The following FMNL3 variants were observed in gnomAD, a reference collection of about 807,000 sequenced individuals.
FMNL3 encodes the protein formin-like protein 3.
A neutral mutation model predicts 119.6 loss-of-function variants in FMNL3; 57 were observed. The observed-to-expected ratio is 0.48, with a 90% CI of 0.39 to 0.59. The LOEUF (loss-of-function observed/expected upper bound fraction) is 0.59. Among genes scored for constraint, FMNL3 ranks in the 20% least tolerant of loss-of-function variants. The pLI, the probability that FMNL3 is intolerant of heterozygous loss-of-function variation, is 0.00. For missense variants in FMNL3, 1,053 were observed against 1,323.5 expected (o/e 0.80, Z 3.17); for synonymous variants, 491 against 507.3 (o/e 0.97, Z 0.43).
At chr12:49,659,733 T>C (rs977836623) in intron 5 of FMNL3, 1 of 982,618 alleles carries the variant, frequency 1.0e-6, no homozygotes, top group Non-Finnish European at 1.2e-6. Flanking sequence ...AGTTTGTCAA[T>C]GTGGCCAGGA....
At chr12:49,672,468 T>A (rs1592670693) in intron 1 of FMNL3, among the ~76,000 whole-genome samples, 1 of 152,176 alleles carries the variant, frequency 6.6e-6, no homozygotes, top group African/African-American at 2.4e-5. Flanking sequence ...AAATCTATAA[T>A]GGGAAGAAGC....
chr12:49,648,994 G>T (rs759012053), intron 21 of FMNL3, 35 bp downstream of exon 21: 8 of 1,556,386 alleles, frequency 5.1e-6, no homozygotes, highest in African/African-American at 1.4e-5. Context: ...TGGGCTGGAT[G>T]TGAGGGCAGG....
Position 49,649,895 on chromosome 12 carries a change from G to A in FMNL3, c.2031C>T (p.Phe677=), listed in dbSNP as rs577911106. The change falls in exon 18 of 26, where the codon TTC becomes TTT. Residue 677 remains phenylalanine (F), a synonymous_variant. Transcript: ENST00000335154. This position sits in a 1 kb window ranked among gnomAD's most constrained non-coding sequence, Gnocchi z 5.6. ...TFDLQTLPVD[F]VECLMRFLPT... ...GCAGGAAGCGCATCAGGCACTCCACGAAGTCCACAGGTAGTGTCTGCAAGT... is the reference window on the plus strand; with the variant it reads ...GCAGGAAGCGCATCAGGCACTCCACAAAGTCCACAGGTAGTGTCTGCAAGT... The A allele has an allele frequency of 8.7e-6, 14 of 1,613,942 alleles. No individual in the cohort carries two copies. Among genetic ancestry groups the A allele is most frequent in the Admixed American group, 6.7e-5 (4 of 60,026 alleles).
chr12:49,649,951 A>AG lies in FMNL3; in HGVS notation c.2001-27dup. On this transcript the variant is annotated intron_variant, in intron 17 of 25. Transcript: ENST00000335154. The surrounding 1 kb of genome is among the most constrained non-coding windows in gnomAD (Gnocchi z 5.6). Reference sequence around the variant, plus strand: ...CTGTGGAGGAGGGAGGGACCACCTCAGTTCTCACATCTCTCCACGTTTTCC... The same window carrying AG: ...CTGTGGAGGAGGGAGGGACCACCTCAGGTTCTCACATCTCTCCACGTTTTCC... 2 of 1,577,938 alleles carry AG rather than the reference A, an allele frequency of 1.3e-6. No homozygotes were observed. The highest frequency in any genetic ancestry group is 1.7e-6 in the Non-Finnish European group (2 of 1,151,600).
intron 1 of FMNL3, among the ~76,000 whole-genome samples, chr12:49,682,720 A>G (rs1944368516): frequency 6.6e-6 from 1 of 152,182 alleles, no homozygotes; most frequent in South Asian, 2.1e-4. Flanking sequence ...AACATACGTA[A>G]AGTATGATTC....
chr12:49,706,355 G>A (rs527592802), intron 1 of FMNL3, among the ~76,000 whole-genome samples: 3 of 152,208 alleles, frequency 2.0e-5, no homozygotes, highest in Non-Finnish European at 4.4e-5. Flanking sequence ...CGTGAAAAGG[G>A]GGGGAGGAGG....
In FMNL3 at chr12:49,649,605, A is replaced by C; in HGVS notation, c.2236-67T>G. The C allele has an allele frequency of 1.2e-6, 2 of 1,611,844 alleles. No individual in the cohort carries two copies. Among genetic ancestry groups the C allele is most frequent in the Non-Finnish European group, 1.7e-6 (2 of 1,177,988 alleles). ...TGGGGTAAAGACAGGGAGGGGTCAG[A>C]AGGACTGGAAGGGCAGGGGAGGTGA... On this transcript the variant is annotated intron_variant, in intron 18 of 25. Coordinates refer to ENST00000335154, the MANE Select transcript of FMNL3 (RefSeq NM_175736.5). This position sits in a 1 kb window ranked among gnomAD's most constrained non-coding sequence, Gnocchi z 5.6.
intron 1 of FMNL3, among the ~76,000 whole-genome samples, chr12:49,670,561 A>G (rs1001195417): frequency 2.0e-5 from 3 of 152,184 alleles, no homozygotes; most frequent in Non-Finnish European, 4.4e-5. Flanking sequence ...GAATTTATAC[A>G]TGGAAGAATT....
intron 1 of FMNL3, among the ~76,000 whole-genome samples, chr12:49,676,932 G>C (rs957749772): frequency 5.9e-5 from 9 of 152,114 alleles, no homozygotes; most frequent in African/African-American, 2.2e-4. Context: ...TAACCTGCTA[G>C]AACACAGGCT....
chr12:49,666,249 A>G, intron 2 of FMNL3, 42 bp from the exon 3 acceptor site: 1 of 1,560,662 alleles, frequency 6.4e-7, no homozygotes. Flanking sequence ...AAAGACAACC[A>G]GAGACCTGAG....
chr12:49,687,588 C>T (rs1944499763), intron 1 of FMNL3, among the ~76,000 whole-genome samples: 1 of 152,180 alleles, frequency 6.6e-6, no homozygotes, highest in African/African-American at 2.4e-5. Flanking sequence ...CTACTTAACA[C>T]TATATTATAT....
At chr12:49,651,078 C>G in intron 16 of FMNL3, 90 bp downstream of exon 16, 12 of 1,571,592 alleles carry the variant, frequency 7.6e-6, no homozygotes, top group Non-Finnish European at 1.0e-5. Context: ...CTCACCCTGT[C>G]TGATGGCTTT....
In FMNL3 at chr12:49,641,759, G is replaced by T; in HGVS notation, c.*4056C>A. The T allele has an allele frequency of 1.6e-6, 1 of 633,876 alleles. No individual in the cohort carries two copies. The highest frequency in any genetic ancestry group is 2.8e-6 in the Non-Finnish European group (1 of 360,094). The allele number at this position is 633,876 out of a possible 1,614,324, so 39.3% of individuals were successfully genotyped here. On this transcript the variant is annotated 3_prime_UTR_variant, in exon 26 of 26. Transcript: ENST00000335154. ...TTAATTGTCAAGTGATGAGGACTTG[G>T]ATAACTTGGTTTCTAATGCAGACCA...
Position 49,645,814 on chromosome 12 carries a change from C to A in FMNL3, c.*1G>T. 1.3e-6 allele frequency: 2 copies of A among 1,598,404 alleles called. No homozygotes were observed. The highest frequency in any genetic ancestry group is 1.7e-6 in the Non-Finnish European group (2 of 1,175,138). On this transcript the variant is annotated 3_prime_UTR_variant, in exon 26 of 26. Coordinates refer to ENST00000335154, the MANE Select transcript of FMNL3 (RefSeq NM_175736.5). ...GAAGTGCTTCTGCCTCCGAGAGGGT[C>A]TCAGTGGGGGCCTGGAGCCCGAGGG...
chr12:49,670,046 AGAAG>A, intron 1 of FMNL3, among the ~76,000 whole-genome samples: 1 of 152,358 alleles, frequency 6.6e-6, no homozygotes, highest in South Asian at 2.1e-4. Flanking sequence ...CCAGCCACCT[AGAAG>A]GCTGCCTCTC....
chr12:49,651,143 C>A, intron 16 of FMNL3, 25 bp downstream of exon 16: 1 of 1,608,724 alleles, frequency 6.2e-7, no homozygotes, highest in Non-Finnish European at 8.5e-7. Context: ...TCAACCTTAG[C>A]CCTCTGGACC....
intron 1 of FMNL3, among the ~76,000 whole-genome samples, chr12:49,689,413 G>C (rs1229614478): frequency 6.6e-6 from 1 of 152,140 alleles, no homozygotes; most frequent in Non-Finnish European, 1.5e-5. Flanking sequence ...TGAAACCCTG[G>C]GCAGGAAAGT....
intron 1 of FMNL3, among the ~76,000 whole-genome samples, chr12:49,705,793 C>T (rs1945033138): frequency 6.6e-6 from 1 of 152,226 alleles, no homozygotes; most frequent in Non-Finnish European, 1.5e-5. Context: ...AGCGACACCA[C>T]TTCCCCTTGG....
At position 49,643,475 on chromosome 12, in the gene FMNL3, C is replaced by A; in HGVS notation, c.*2340G>T. On this transcript the variant is annotated 3_prime_UTR_variant, in exon 26 of 26. Transcript: ENST00000335154. The stretch of plus-strand genomic sequence containing the variant: ...AGGATGCCCTCCACAAGCCCCAGCT[C>A]CTTTGAGGGTAGACTGGATTGGGAG... The A allele has an allele frequency of 6.7e-7, 1 of 1,494,920 alleles. No individual in the cohort carries two copies. The highest frequency in any genetic ancestry group is 9.0e-7 in the Non-Finnish European group (1 of 1,114,450). 92.6% of individuals were successfully genotyped at this position (1,494,920 alleles called of 1,614,324 possible).
Sources: allele counts gnomAD v4.1 joint callset (sites outside exome capture counted in the v4.1 genomes callset), GRCh38; gene constraint gnomAD v4.1.1; non-coding constraint Gnocchi (gnomAD v3.1); transcripts MANE v1.5; gene names NCBI Gene and HGNC (gene_info 2026-07-23, HGNC 2026-07-21).